PLCE1: variants seen among roughly 807,000 people sequenced by gnomAD.
PLCE1 encodes the protein phospholipase C epsilon 1, also known as 1-phosphatidylinositol 4,5-bisphosphate phosphodiesterase epsilon-1.
PLCE1 carries 119 observed loss-of-function variants against 242.8 expected under a neutral mutation model. That is an observed-to-expected ratio of 0.49 (90% CI 0.42 to 0.57). PLCE1 has a LOEUF of 0.57. PLCE1 is among the 20% of genes least tolerant of loss of function. The probability of loss-of-function intolerance (pLI) is 0.00; values close to 1 mark genes in which losing one functional copy is unlikely to be tolerated. For missense variants in PLCE1, 2,441 were observed against 2,788.8 expected, an observed-to-expected ratio of 0.88 and a Z score of 2.81; for synonymous variants, 945 against 1,017.4, an observed-to-expected ratio of 0.93 and a Z score of 1.35.
At chr10:94,142,636 G>A (rs990881222) in intron 3 of PLCE1, among the ~76,000 whole-genome samples, 13 of 152,222 alleles carry the variant, frequency 8.5e-5, no homozygotes, top group African/African-American at 2.9e-4. Context: ...TGATGGTGAT[G>A]ATGATGGTAG....
At chr10:94,149,905 T>G (rs1223636) in intron 3 of PLCE1, among the ~76,000 whole-genome samples, 139,823 of 152,172 alleles carry the variant, frequency 0.92, 64,697 homozygotes, top group South Asian at 0.98. Flanking sequence ...TGATTCACCA[T>G]CTGTCTCAAA....
intron 22 of PLCE1, among the ~76,000 whole-genome samples, chr10:94,289,577 G>A (rs1303015550): frequency 6.6e-6 from 1 of 152,212 alleles, no homozygotes; most frequent in Non-Finnish European, 1.5e-5. Flanking sequence ...TAAGCTACCA[G>A]CCTGTACGGC....
intron 3 of PLCE1, among the ~76,000 whole-genome samples, chr10:94,133,102 A>G (rs1337763474): frequency 6.6e-6 from 1 of 152,136 alleles, no homozygotes; most frequent in East Asian, 1.9e-4. Context: ...ACAAGATGCT[A>G]GGAAACAAAT....
At chr10:94,139,649 T>G (rs1326601925) in intron 3 of PLCE1, 1 of 152,166 alleles carries the variant, frequency 6.6e-6, no homozygotes, top group Non-Finnish European at 1.5e-5. Context: ...ACCAGGGTCC[T>G]GAGTCCAGGG....
intron 2 of PLCE1, among the ~76,000 whole-genome samples, chr10:94,059,998 G>A (rs1299737070): frequency 1.3e-5 from 2 of 152,148 alleles, no homozygotes; most frequent in African/African-American, 4.8e-5. Flanking sequence ...TATAGTGGAA[G>A]TGTTTTTTGT....
intron 8 of PLCE1, 102 bp downstream of exon 8, chr10:94,246,723 C>G: frequency 1.8e-6 from 2 of 1,086,898 alleles, no homozygotes; most frequent in Non-Finnish European, 2.7e-6. Context: ...CTGACAGTTA[C>G]TACCTGTGGT....
intron 2 of PLCE1, among the ~76,000 whole-genome samples, chr10:94,044,406 T>C (rs2061837638): frequency 6.6e-6 from 1 of 152,140 alleles, no homozygotes; most frequent in Non-Finnish European, 1.5e-5. Flanking sequence ...TATTGACATG[T>C]GATTATAAAG....
intron 4 of PLCE1, among the ~76,000 whole-genome samples, chr10:94,183,840 A>G (rs766417486): frequency 1.3e-5 from 2 of 151,966 alleles, no homozygotes; most frequent in Non-Finnish European, 2.9e-5. Flanking sequence ...GATGTCCCAG[A>G]CTCTTAAAAC....
intron 4 of PLCE1, among the ~76,000 whole-genome samples, chr10:94,220,460 G>T (rs2049702378): frequency 7.9e-6 from 1 of 126,400 alleles, no homozygotes; most frequent in Non-Finnish European, 1.6e-5. Context: ...TTTATTCCTA[G>T]CAATGAGCCA....
chr10:94,221,720 G>A (rs1471931389), intron 4 of PLCE1, among the ~76,000 whole-genome samples: 1 of 152,032 alleles, frequency 6.6e-6, no homozygotes, highest in African/African-American at 2.4e-5. Context: ...GGCAACAAGA[G>A]GGAAGTTCTG....
At chr10:94,101,899 A>G (rs189162287) in intron 2 of PLCE1, among the ~76,000 whole-genome samples, 114 of 152,252 alleles carry the variant, frequency 7.5e-4, no homozygotes, top group Non-Finnish European at 1.1e-3. Context: ...GATAGGAGAC[A>G]TGTACCCAGG....
intron 2 of PLCE1, among the ~76,000 whole-genome samples, chr10:94,045,034 T>C (rs1362624954): frequency 6.6e-6 from 1 of 152,188 alleles, no homozygotes; most frequent in Non-Finnish European, 1.5e-5. Context: ...AGGGTCTTGC[T>C]CTGTCACCTA....
At chr10:94,262,348 C>T in intron 13 of PLCE1, 146 bp from the exon 14 acceptor site, 2 of 755,390 alleles carry the variant, frequency 2.6e-6, no homozygotes, top group Non-Finnish European at 4.9e-6. Flanking sequence ...TATGTGAAGC[C>T]AGAAATAAAC....
intron 2 of PLCE1, chr10:94,089,135 G>T (rs1365074093): frequency 6.2e-7 from 1 of 1,613,860 alleles, no homozygotes; most frequent in African/African-American, 1.3e-5. Context: ...GACTTTGCAG[G>T]AATGGAAGAG....
rs1429901789 is a variant in PLCE1 at position 94,207,534 on chromosome 10, T to C, written c.1810-19772T>C. On this transcript the variant is annotated intron_variant, in intron 4 of 32. Transcript: ENST00000371380. ...TTATACGTGTGTGTGTGTGTGTGTGTGTGTGTGTGTGTGTGTGTGTATAGA... is the reference window on the plus strand; with the variant it reads ...TTATACGTGTGTGTGTGTGTGTGTGCGTGTGTGTGTGTGTGTGTGTATAGA... Among the ~76,000 whole-genome samples the C allele has an allele frequency of 2.0e-5, 3 of 151,874 alleles. No individual in the cohort carries two copies. In the East Asian group the frequency reaches 5.8e-4, roughly 29 times the overall value.
intron 2 of PLCE1, among the ~76,000 whole-genome samples, chr10:94,087,860 T>C (rs1209048650): frequency 6.6e-6 from 1 of 152,224 alleles, no homozygotes; most frequent in African/African-American, 2.4e-5. Context: ...TACTTACCCC[T>C]ACATTTGGAG....
chr10:94,293,685 G>C, intron 23 of PLCE1, 46 bp downstream of exon 23: 1 of 1,600,388 alleles, frequency 6.2e-7, no homozygotes, highest in Non-Finnish European at 8.6e-7. Flanking sequence ...CTGCATGCTG[G>C]ATGATTTAGA....
At chr10:94,078,248 C>T (rs1021640840) in intron 2 of PLCE1, among the ~76,000 whole-genome samples, 4 of 152,112 alleles carry the variant, frequency 2.6e-5, no homozygotes, top group African/African-American at 4.8e-5. Context: ...ATGGCAGCCT[C>T]GGGAATTTAA....
At chr10:94,188,878 T>G (rs573434380) in intron 4 of PLCE1, among the ~76,000 whole-genome samples, 12 of 152,218 alleles carry the variant, frequency 7.9e-5, no homozygotes, top group African/African-American at 2.9e-4. Flanking sequence ...GTGCCAGGAT[T>G]ACAGGCATGA....
Sources: gnomAD v4.1 joint callset for allele counts (sites outside exome capture counted in the v4.1 genomes callset) on GRCh38, gnomAD v4.1.1 for gene constraint, MANE v1.5 for transcripts, NCBI Gene and HGNC (gene_info 2026-07-23, HGNC 2026-07-21) for gene names.